The following RANBP17 variants were observed in gnomAD, a reference collection of about 807,000 sequenced individuals.
RANBP17 encodes the protein RAN binding protein 17.
In RANBP17, 158 loss-of-function variants were observed where a neutral mutation model predicts 141.2. That is an observed-to-expected ratio of 1.12 (90% CI 0.98 to 1.28). RANBP17 has a LOEUF of 1.28. Ranked by LOEUF, RANBP17 falls within the 50% of genes most tolerant of loss-of-function variation. The probability of loss-of-function intolerance (pLI) is 0.00; values close to 1 mark genes in which losing one functional copy is unlikely to be tolerated. For missense variants in RANBP17, 1,438 were observed against 1,290.7 expected (o/e 1.11, Z -1.75); for synonymous variants, 430 against 450.0 (o/e 0.96, Z 0.56).
chr5:170,977,187 C>A (rs1458767887), intron 14 of RANBP17, among the ~76,000 whole-genome samples: 1 of 151,860 alleles, frequency 6.6e-6, no homozygotes, highest in Non-Finnish European at 1.5e-5. Flanking sequence ...GGCAAAAGAT[C>A]TAAACAGACA....
In RANBP17 at chr5:171,017,999, A is replaced by G. The variant is rs373953017; in HGVS notation, c.1710+49622A>G. On this transcript the variant is annotated intron_variant, in intron 14 of 27. Coordinates refer to ENST00000523189, the MANE Select transcript of RANBP17 (RefSeq NM_022897.5). Reference sequence around the variant, plus strand: ...CTAGCCAGTTTTCCCAGCACCATTTATTGAATAGGAGATCCTTTCCCCATT... The same window carrying G: ...CTAGCCAGTTTTCCCAGCACCATTTGTTGAATAGGAGATCCTTTCCCCATT... 3.6e-3 allele frequency among the ~76,000 whole-genome samples: 549 copies of G among 152,210 alleles called. 2 individuals are homozygous for G. The highest frequency in any genetic ancestry group is 0.013 in the African/African-American group (532 of 41,538).
At chr5:171,022,538 G>A (rs1412762110) in intron 14 of RANBP17, among the ~76,000 whole-genome samples, 1 of 152,196 alleles carries the variant, frequency 6.6e-6, no homozygotes, top group Non-Finnish European at 1.5e-5. Flanking sequence ...AGGAAGGATG[G>A]GTCAGAGTCA....
intron 12 of RANBP17, among the ~76,000 whole-genome samples, chr5:170,940,954 T>A (rs910240607): frequency 1.3e-5 from 2 of 151,256 alleles, no homozygotes; most frequent in African/African-American, 4.9e-5. Context: ...AAAAACTAAA[T>A]TGCAAAACAA....
chr5:171,120,572 C>CT (rs1755962061), intron 14 of RANBP17, among the ~76,000 whole-genome samples: 1 of 152,164 alleles, frequency 6.6e-6, no homozygotes, highest in Non-Finnish European at 1.5e-5. Flanking sequence ...TTTATGCTCT[C>CT]TGTCTCTTAA....
At chr5:171,251,731 C>A (rs1480388386) in intron 24 of RANBP17, 2 of 708,950 alleles carry the variant, frequency 2.8e-6, no homozygotes, top group East Asian at 2.9e-5. Flanking sequence ...CCGCGGGCTG[C>A]GGTGCGAGCA....
At chr5:171,209,364 A>G (rs779651666) in intron 20 of RANBP17, among the ~76,000 whole-genome samples, 111 of 152,204 alleles carry the variant, frequency 7.3e-4, no homozygotes, top group Non-Finnish European at 1.2e-3. Flanking sequence ...AGTATAAAGA[A>G]ACTAATGGTT....
At chr5:170,993,249 A>T (rs893356889) in intron 14 of RANBP17, among the ~76,000 whole-genome samples, 1 of 152,060 alleles carries the variant, frequency 6.6e-6, no homozygotes, top group Non-Finnish European at 1.5e-5. Flanking sequence ...TTGTATGGTT[A>T]TACACAGTTT....
intron 5 of RANBP17, chr5:170,903,878 TA>T: frequency 2.0e-6 from 1 of 499,370 alleles, no homozygotes. Context: ...GGTCCCTTAA[TA>T]AGGACCATAA....
intron 21 of RANBP17, among the ~76,000 whole-genome samples, chr5:171,219,061 TA>T (rs769717516): frequency 2.6e-5 from 4 of 152,192 alleles, no homozygotes; most frequent in Non-Finnish European, 4.4e-5. Context: ...GCACTTACTT[TA>T]GGAGCTCTTG....
At chr5:171,042,267 A>G (rs1782300112) in intron 14 of RANBP17, among the ~76,000 whole-genome samples, 1 of 152,098 alleles carries the variant, frequency 6.6e-6, no homozygotes, top group Non-Finnish European at 1.5e-5. Flanking sequence ...AATTCCTATC[A>G]TGTAGTTAGG....
In RANBP17 at chr5:171,104,708, T is replaced by C. The variant is rs375618319; in HGVS notation, c.1711-65422T>C. 1.5e-4 allele frequency among the ~76,000 whole-genome samples: 23 copies of C among 152,316 alleles called. 1 individual carries two copies. The East Asian group carries it at 2.5e-3, about 17-fold the overall frequency. ...GCAAATTTCTTTTGTCTAAAGAACCTCTCTAAGCTTCACTTTTGCCATAAA... is the reference window on the plus strand; with the variant it reads ...GCAAATTTCTTTTGTCTAAAGAACCCCTCTAAGCTTCACTTTTGCCATAAA... On this transcript the variant is annotated intron_variant, in intron 14 of 27. Coordinates refer to ENST00000523189, the MANE Select transcript of RANBP17 (RefSeq NM_022897.5).
chr5:170,937,525 A>G (rs1254542777), intron 12 of RANBP17, among the ~76,000 whole-genome samples: 2 of 152,184 alleles, frequency 1.3e-5, no homozygotes, highest in African/African-American at 4.8e-5. Flanking sequence ...TTACTCTTCT[A>G]CCAGCTCAGT....
At chr5:171,079,895 A>G (rs555826702) in intron 14 of RANBP17, among the ~76,000 whole-genome samples, 11 of 152,228 alleles carry the variant, frequency 7.2e-5, no homozygotes, top group African/African-American at 2.6e-4. Context: ...TTGGGAAGAG[A>G]AGTTCTCATT....
In RANBP17 at chr5:170,949,190, C is replaced by G. The variant is rs138417501; in HGVS notation, c.1469-4407C>G. Reference sequence around the variant, plus strand: ...TAGATATGACACCTGAAGCAGACAACAGAAAACAAATTAGATAGACCAGAG... The same window carrying G: ...TAGATATGACACCTGAAGCAGACAAGAGAAAACAAATTAGATAGACCAGAG... On this transcript the variant is annotated intron_variant, in intron 12 of 27. Coordinates refer to ENST00000523189, the MANE Select transcript of RANBP17 (RefSeq NM_022897.5). Among the ~76,000 whole-genome samples the G allele has an allele frequency of 5.1e-4, 77 of 152,098 alleles. 1 individual carries two copies. The East Asian group carries it at 0.014, about 27-fold the overall frequency.
intron 4 of RANBP17, among the ~76,000 whole-genome samples, chr5:170,895,392 T>G (rs1770029265): frequency 6.6e-6 from 1 of 152,204 alleles, no homozygotes. Flanking sequence ...GCATATAAAG[T>G]CTGAATTTTA....
At chr5:171,053,906 TA>T (rs1561596518) in intron 14 of RANBP17, among the ~76,000 whole-genome samples, 1,613 of 138,372 alleles carry the variant, frequency 0.012, 94 homozygotes, top group African/African-American at 0.031. Context: ...TATATATATA[TA>T]TATATATATA....
chr5:171,006,146 T>C (rs901599190), intron 14 of RANBP17, among the ~76,000 whole-genome samples: 1 of 152,318 alleles, frequency 6.6e-6, no homozygotes, highest in African/African-American at 2.4e-5. Flanking sequence ...ACACTGTTGG[T>C]GGGACTGTAA....
intron 20 of RANBP17, among the ~76,000 whole-genome samples, chr5:171,210,947 A>G (rs541744621): frequency 3.5e-4 from 52 of 150,128 alleles, no homozygotes; most frequent in African/African-American, 1.2e-3. Flanking sequence ...AGAAGTTGCA[A>G]TGAGCCAAGA....
rs576811257 is a variant in RANBP17 at position 170,977,290 on chromosome 5, A to G, written c.1710+8913A>G. 9.2e-5 allele frequency among the ~76,000 whole-genome samples: 14 copies of G among 152,196 alleles called. No individual in the cohort carries two copies. In the East Asian group the frequency reaches 2.5e-3, roughly 27 times the overall value. On this transcript the variant is annotated intron_variant, in intron 14 of 27. Coordinates refer to ENST00000523189, the MANE Select transcript of RANBP17 (RefSeq NM_022897.5). ...GTAGAAATTCATGTCAGTGCCAGAA[A>G]TAGATACCACTTTACACTCACTAGG...
Sources: allele counts gnomAD v4.1 joint callset (sites outside exome capture counted in the v4.1 genomes callset), GRCh38; gene constraint gnomAD v4.1.1; transcripts MANE v1.5; gene names NCBI Gene and HGNC (gene_info 2026-07-23, HGNC 2026-07-21).